LRP1B: variants seen among roughly 807,000 people sequenced by gnomAD.
The protein encoded by LRP1B is low-density lipoprotein receptor-related protein 1B.
LRP1B carries 217 observed loss-of-function variants against 556.6 expected under a neutral mutation model. The observed-to-expected ratio is 0.39, with a 90% confidence interval of 0.35 to 0.44. The LOEUF (loss-of-function observed/expected upper bound fraction) is 0.44, where lower values mean the gene tolerates loss of function less well. Among genes scored for constraint, LRP1B ranks in the 20% least tolerant of loss-of-function variants. The pLI, the probability that LRP1B is intolerant of heterozygous loss-of-function variation, is 1.00. For missense variants in LRP1B, 5,053 were observed against 5,620.8 expected, an observed-to-expected ratio of 0.90 and a Z score of 3.23; for synonymous variants, 2,047 against 1,865.8, an observed-to-expected ratio of 1.10 and a Z score of -2.50.
chr2:141,240,135 T>C (rs929584546), intron 5 of LRP1B, among the ~76,000 whole-genome samples: 1 of 152,058 alleles, frequency 6.6e-6, no homozygotes, highest in Non-Finnish European at 1.5e-5. Context: ...ATGAAATCAA[T>C]GCAACAGGTT....
At position 141,360,746 on chromosome 2, in the gene LRP1B, A is replaced by T. The variant is rs1234552475; in HGVS notation, c.344-106105T>A. On this transcript the variant is annotated intron_variant, in intron 3 of 90. Coordinates refer to ENST00000389484, the MANE Select transcript of LRP1B (RefSeq NM_018557.3). ...CTGCAGCTGTCTGCAATGTCTACAT[A>T]CACTGTAGTATGCACATTTAAATAT... 2.0e-5 allele frequency among the ~76,000 whole-genome samples: 3 copies of T among 152,242 alleles called. No individual in the cohort carries two copies. In the South Asian group the frequency reaches 6.2e-4, roughly 31 times the overall value.
At chr2:141,649,741 GA>G (rs1218875668) in intron 2 of LRP1B, among the ~76,000 whole-genome samples, 1 of 152,102 alleles carries the variant, frequency 6.6e-6, no homozygotes, top group Non-Finnish European at 1.5e-5. Context: ...TTTTAAAAAT[GA>G]TACCCTATTG....
At chr2:141,183,488 CT>C (rs1681101600) in intron 7 of LRP1B, among the ~76,000 whole-genome samples, 1 of 151,978 alleles carries the variant, frequency 6.6e-6, no homozygotes, top group Admixed American at 6.6e-5. Context: ...GTCAATCATT[CT>C]TGTGTGAATT....
chr2:141,674,800 C>A (rs542910656), intron 2 of LRP1B, among the ~76,000 whole-genome samples: 1 of 151,898 alleles, frequency 6.6e-6, no homozygotes, highest in Non-Finnish European at 1.5e-5. Flanking sequence ...TGCATTGCAA[C>A]GGGTAGATTT....
At chr2:140,865,130 A>C (rs1441554278) in intron 27 of LRP1B, among the ~76,000 whole-genome samples, 2 of 152,050 alleles carry the variant, frequency 1.3e-5, no homozygotes, top group Non-Finnish European at 2.9e-5. Flanking sequence ...TAACAACAAC[A>C]TTAAAAACCA....
chr2:141,722,517 A>G (rs1339668975), intron 2 of LRP1B, among the ~76,000 whole-genome samples: 2 of 152,154 alleles, frequency 1.3e-5, no homozygotes, highest in Non-Finnish European at 2.9e-5. Context: ...GTGTTAATTT[A>G]TTGGTGATCT....
At chr2:140,329,294 G>A (rs1033529220) in intron 79 of LRP1B, among the ~76,000 whole-genome samples, 2 of 152,036 alleles carry the variant, frequency 1.3e-5, no homozygotes, top group African/African-American at 4.8e-5. Context: ...ATATCACACT[G>A]AATAGGCAAA....
At chr2:140,497,050 A>G (rs553511390) in intron 55 of LRP1B, among the ~76,000 whole-genome samples, 43 of 152,000 alleles carry the variant, frequency 2.8e-4, no homozygotes, top group Middle Eastern at 3.4e-3. Flanking sequence ...ATTTTTAAGT[A>G]CAAGAAACAT....
chr2:140,908,279 T>C (rs1200561718), intron 21 of LRP1B, among the ~76,000 whole-genome samples: 1 of 150,562 alleles, frequency 6.6e-6, no homozygotes, highest in Non-Finnish European at 1.5e-5. Flanking sequence ...GCTCTTATTG[T>C]TTGAGCTTTG....
intron 6 of LRP1B, among the ~76,000 whole-genome samples, chr2:141,207,503 T>A (rs1381653218): frequency 6.6e-6 from 1 of 152,232 alleles, no homozygotes; most frequent in Admixed American, 6.5e-5. Flanking sequence ...TAAAGGTTTC[T>A]TTGTTGCTGT....
In LRP1B at chr2:140,630,370, A is replaced by T. The variant is rs1480346227; in HGVS notation, c.6800-28731T>A. 2.6e-5 allele frequency among the ~76,000 whole-genome samples: 4 copies of T among 152,344 alleles called. No individual in the cohort carries two copies. In the East Asian group the frequency reaches 7.7e-4, roughly 29 times the overall value. Reference sequence around the variant, plus strand: ...TTCGCACAATAAGAGAAAAGCTGCAAAACTGAAAATCAACAATCTTTCTTG... The same window carrying T: ...TTCGCACAATAAGAGAAAAGCTGCATAACTGAAAATCAACAATCTTTCTTG... On this transcript the variant is annotated intron_variant, in intron 41 of 90. Coordinates refer to ENST00000389484, the MANE Select transcript of LRP1B (RefSeq NM_018557.3).
At chr2:141,381,781 C>T (rs1209540973) in intron 3 of LRP1B, among the ~76,000 whole-genome samples, 1 of 152,002 alleles carries the variant, frequency 6.6e-6, no homozygotes. Flanking sequence ...AAAAAACCTG[C>T]CAGCATGGGA....
chr2:141,857,459 GCCTC>G (rs1180601525), intron 1 of LRP1B, among the ~76,000 whole-genome samples: 1 of 151,728 alleles, frequency 6.6e-6, no homozygotes, highest in Non-Finnish European at 1.5e-5. Context: ...TCCCACCTCA[GCCTC>G]CCGAGTAGTT....
chr2:140,755,983 TTAAAC>T (rs1236578797), intron 35 of LRP1B, among the ~76,000 whole-genome samples: 1 of 151,916 alleles, frequency 6.6e-6, no homozygotes, highest in Admixed American at 6.6e-5. Flanking sequence ...AAAAATCTAT[TTAAAC>T]TAATAAATTC....
chr2:141,458,892 G>A (rs1293789593), intron 3 of LRP1B, among the ~76,000 whole-genome samples: 1 of 152,128 alleles, frequency 6.6e-6, no homozygotes, highest in Non-Finnish European at 1.5e-5. Context: ...ATGGTTGAAT[G>A]TCTCAGACTG....
At chr2:140,506,093 G>A (rs895013116) in intron 53 of LRP1B, among the ~76,000 whole-genome samples, 7 of 150,746 alleles carry the variant, frequency 4.6e-5, no homozygotes, top group African/African-American at 1.2e-4. Flanking sequence ...TTAAGTATCC[G>A]GCTTTTCTGA....
Position 140,700,198 on chromosome 2 carries a change from A to G in LRP1B, c.6799+52T>C, listed in dbSNP as rs79367280. ...CAATTACCACTATTATTTCTCTAGT[A>G]ATCTAAATGATACTCATTTCCACCT... On this transcript the variant is annotated intron_variant, in intron 41 of 90. Transcript: ENST00000389484. 1,283 of 1,441,792 alleles carry G rather than the reference A, an allele frequency of 8.9e-4. 12 individuals are homozygous for G. The African/African-American group carries it at 0.016, about 18-fold the overall frequency. The allele number at this position is 1,441,792 out of a possible 1,614,324, so 89.3% of individuals were successfully genotyped here. A position where few individuals can be genotyped will look rare whatever the true frequency, so the allele number is the denominator to read the frequency against.
intron 3 of LRP1B, among the ~76,000 whole-genome samples, chr2:141,418,458 A>G: frequency 7.4e-6 from 1 of 135,794 alleles, no homozygotes; most frequent in South Asian, 2.2e-4. Context: ...GCATGTGGAT[A>G]CCCAGTTACT....
At chr2:140,801,323 T>C (rs574354685) in intron 32 of LRP1B, among the ~76,000 whole-genome samples, 1 of 152,228 alleles carries the variant, frequency 6.6e-6, no homozygotes, top group South Asian at 2.1e-4. Context: ...GGATGGTGTT[T>C]CACCCATTAG....
Sources: allele counts gnomAD v4.1 joint callset (sites outside exome capture counted in the v4.1 genomes callset), GRCh38; gene constraint gnomAD v4.1.1; transcripts MANE v1.5; gene names NCBI Gene and HGNC (gene_info 2026-07-23, HGNC 2026-07-21).